Variants in GRIK2 observed in about 807,000 individuals in gnomAD.
GRIK2 encodes the protein glutamate receptor ionotropic, kainate 2.
GRIK2 carries 32 observed loss-of-function variants against 100.3 expected under a neutral mutation model. The observed-to-expected ratio is 0.32, with a 90% CI of 0.24 to 0.43. The LOEUF is 0.43. Ranked by LOEUF, GRIK2 falls within the 20% of genes least tolerant of loss-of-function variation. The pLI, the probability that GRIK2 is intolerant of heterozygous loss-of-function variation, is 1.00. For synonymous variants in GRIK2, 417 were observed against 389.4 expected, an observed-to-expected ratio of 1.07 and a Z score of -0.83; for missense variants, 843 against 1,114.9, an observed-to-expected ratio of 0.76 and a Z score of 3.47.
Position 101,928,433 on chromosome 6 carries a change from A to C in GRIK2, c.1886A>C (p.Lys629Thr), listed in dbSNP as rs531375495. ...LMQQGSELMP[K>T]ALSTRIVGGI... ...CTGTTAGGTTCTGAGCTCATGCCCA[A>C]AGCACTGTCCACCAGGATAGTGGGA... The change falls in exon 14 of 17, where the codon AAA (lysine) becomes ACA (threonine). Residue 629 changes from lysine to threonine, a missense_variant. Lys to Thr is a moderately conservative substitution (Grantham distance 78). Around this residue, in one of 3 missense-constraint regions of GRIK2, gnomAD observed 237 missense variants for 388.0 expected, o/e 0.61. Coordinates refer to ENST00000369134, the MANE Select transcript of GRIK2 (RefSeq NM_021956.5). 1 of 1,591,410 alleles carries C rather than the reference A, an allele frequency of 6.3e-7. No individual in the cohort carries two copies. Among genetic ancestry groups the C allele is most frequent in the South Asian group, 1.1e-5 (1 of 90,654 alleles).
At chr6:101,848,518 A>C (rs1783934652) in intron 10 of GRIK2, among the ~76,000 whole-genome samples, 1 of 152,158 alleles carries the variant, frequency 6.6e-6, no homozygotes, top group South Asian at 2.1e-4. Flanking sequence ...TTGGTGGATG[A>C]ATGGATGAAT....
At chr6:101,581,638 G>A (rs1778104171) in intron 2 of GRIK2, among the ~76,000 whole-genome samples, 1 of 152,096 alleles carries the variant, frequency 6.6e-6, no homozygotes, top group Non-Finnish European at 1.5e-5. Flanking sequence ...ACTAGTGTAA[G>A]TGCTGCTTAA....
chr6:101,544,359 T>C (rs183838480), intron 2 of GRIK2, among the ~76,000 whole-genome samples: 2 of 152,298 alleles, frequency 1.3e-5, no homozygotes, highest in Admixed American at 1.3e-4. Flanking sequence ...TCACATGTCA[T>C]CATTTAATAC....
chr6:101,675,853 TG>T (rs2128339699), intron 4 of GRIK2, among the ~76,000 whole-genome samples: 1 of 152,318 alleles, frequency 6.6e-6, no homozygotes, highest in East Asian at 1.9e-4. Flanking sequence ...AAAATAATTA[TG>T]GTTCAGGCTA....
At chr6:101,847,978 G>A (rs1309623644) in intron 10 of GRIK2, among the ~76,000 whole-genome samples, 1 of 152,058 alleles carries the variant, frequency 6.6e-6, no homozygotes, top group Admixed American at 6.6e-5. Context: ...AGCAGCTTCA[G>A]CCTTAGGGAA....
chr6:101,455,809 CG>C (rs1439410780), intron 2 of GRIK2, among the ~76,000 whole-genome samples: 7 of 151,914 alleles, frequency 4.6e-5, no homozygotes, highest in Non-Finnish European at 8.8e-5. Context: ...GAGAAAATAA[CG>C]GTATTTATGA....
chr6:101,818,452 C>G lies in GRIK2; in HGVS notation c.1286C>G (p.Ser429Cys). Residue 429 changes from serine to cysteine, a missense_variant, in exon 10 of 17, where the codon TCC (serine) becomes TGC (cysteine). Physicochemically the swap from Ser to Cys is moderately radical, Grantham distance 112. This residue lies in a region of GRIK2 where 519 missense variants were observed against 643.8 expected (regional missense o/e 0.81). Coordinates refer to ENST00000369134, the MANE Select transcript of GRIK2 (RefSeq NM_021956.5). ...CCAGCGAACATCACAGATTCCTTAT[C>G]CAATCGTTCTTTGATTGTTACCACC... ...GKPANITDSL[S>C]NRSLIVTTIL... 1 of 1,606,578 alleles carries G rather than the reference C, an allele frequency of 6.2e-7. No individual in the cohort carries two copies. Among genetic ancestry groups the G allele is most frequent in the South Asian group, 1.1e-5 (1 of 90,942 alleles).
chr6:101,981,767 T>C (rs763478350), intron 14 of GRIK2, among the ~76,000 whole-genome samples: 8 of 151,796 alleles, frequency 5.3e-5, no homozygotes, highest in Non-Finnish European at 1.2e-4. Context: ...AGAAAGTGCT[T>C]TCTCTTCCTC....
At chr6:101,539,471 A>C (rs1206837640) in intron 2 of GRIK2, among the ~76,000 whole-genome samples, 1 of 151,798 alleles carries the variant, frequency 6.6e-6, no homozygotes, top group Non-Finnish European at 1.5e-5. Context: ...TTGAGTATTT[A>C]TATCAACTAT....
At chr6:101,581,650 A>T (rs1778104519) in intron 2 of GRIK2, among the ~76,000 whole-genome samples, 1 of 152,170 alleles carries the variant, frequency 6.6e-6, no homozygotes, top group Non-Finnish European at 1.5e-5. Context: ...GCTGCTTAAG[A>T]TAGAGATGAA....
intron 2 of GRIK2, among the ~76,000 whole-genome samples, chr6:101,525,349 T>C (rs921905219): frequency 6.6e-6 from 1 of 152,206 alleles, no homozygotes; most frequent in Non-Finnish European, 1.5e-5. Flanking sequence ...GTCAGCTGTA[T>C]GGGTTAAGAC....
intron 12 of GRIK2, among the ~76,000 whole-genome samples, chr6:101,913,515 C>G (rs186837234): frequency 6.6e-6 from 1 of 151,626 alleles, no homozygotes; most frequent in East Asian, 1.9e-4. Flanking sequence ...AAATGACATA[C>G]TTCATTCATT....
intron 7 of GRIK2, among the ~76,000 whole-genome samples, chr6:101,741,990 T>G (rs1776057270): frequency 6.6e-6 from 1 of 152,186 alleles, no homozygotes; most frequent in South Asian, 2.1e-4. Context: ...TTTACCTGAC[T>G]CCAAGGTCAA....
At chr6:101,829,600 G>A (rs1385129147) in intron 10 of GRIK2, among the ~76,000 whole-genome samples, 2 of 151,638 alleles carry the variant, frequency 1.3e-5, no homozygotes, top group Non-Finnish European at 3.0e-5. Context: ...TACACCAATA[G>A]CATTCAGACT....
chr6:102,004,701 C>T (rs895365554), intron 14 of GRIK2, among the ~76,000 whole-genome samples: 1 of 151,882 alleles, frequency 6.6e-6, no homozygotes, highest in Non-Finnish European at 1.5e-5. Context: ...TGTTTTTGTT[C>T]TCACTTCTCG....
intron 4 of GRIK2, among the ~76,000 whole-genome samples, chr6:101,676,064 C>T (rs1770814871): frequency 6.6e-6 from 1 of 152,092 alleles, no homozygotes; most frequent in African/African-American, 2.4e-5. Context: ...GAATAATAAT[C>T]ACTGACTTAC....
At chr6:101,971,738 C>T (rs1793065747) in intron 14 of GRIK2, among the ~76,000 whole-genome samples, 1 of 151,788 alleles carries the variant, frequency 6.6e-6, no homozygotes, top group African/African-American at 2.4e-5. Context: ...TCACCCATTG[C>T]CTGTCTCCAT....
In GRIK2 at chr6:101,859,736, C is replaced by T. The variant is rs146310369; in HGVS notation, c.1524+243C>T. ...GGAACTGAGAGATGGAACATTATCT[C>T]TCTTGATTATTACATTTCAAAGAGA... On this transcript the variant is annotated intron_variant, in intron 11 of 16. Coordinates refer to ENST00000369134, the MANE Select transcript of GRIK2 (RefSeq NM_021956.5). Among the ~76,000 whole-genome samples, 944 of 152,196 alleles carry T rather than the reference C, an allele frequency of 6.2e-3. 12 individuals are homozygous for T. The highest frequency in any genetic ancestry group is 0.022 in the African/African-American group (907 of 41,530).
chr6:101,918,346 C>A (rs1239720083), intron 12 of GRIK2, among the ~76,000 whole-genome samples: 5 of 151,520 alleles, frequency 3.3e-5, no homozygotes, highest in Non-Finnish European at 7.4e-5. Context: ...TTATAAAAAT[C>A]ATTTTTGTAC....
Sources: allele counts gnomAD v4.1 joint callset (sites outside exome capture counted in the v4.1 genomes callset), GRCh38; gene constraint gnomAD v4.1.1; regional missense constraint gnomAD v4.1.1; transcripts MANE v1.5; gene names NCBI Gene and HGNC (gene_info 2026-07-23, HGNC 2026-07-21).